ZFAND3: variants seen among roughly 807,000 people sequenced by gnomAD.
ZFAND3 encodes the protein AN1-type zinc finger protein 3.
In ZFAND3, 10 loss-of-function variants were observed where a neutral mutation model predicts 29.6. The ratio of observed to expected loss-of-function variants is 0.34; its 90% CI spans 0.21 to 0.57. ZFAND3 has a LOEUF of 0.57. ZFAND3 is among the 20% of genes least tolerant of loss of function. The pLI is 0.86. For missense variants in ZFAND3, 230 were observed against 304.5 expected, an observed-to-expected ratio of 0.76 and a Z score of 1.82; for synonymous variants, 128 against 112.6, an observed-to-expected ratio of 1.14 and a Z score of -0.87.
At chr6:38,026,754 G>C (rs1015873945) in intron 2 of ZFAND3, among the ~76,000 whole-genome samples, 1 of 150,998 alleles carries the variant, frequency 6.6e-6, no homozygotes, top group Non-Finnish European at 1.5e-5. Context: ...GATCTTATGT[G>C]GTAGATATTA....
At chr6:37,893,086 C>T (rs986919938) in intron 1 of ZFAND3, among the ~76,000 whole-genome samples, 1 of 152,080 alleles carries the variant, frequency 6.6e-6, no homozygotes, top group Non-Finnish European at 1.5e-5. Context: ...TAGGAGGAAG[C>T]ACTTCCCAAC....
chr6:37,995,298 G>A (rs985432347), intron 2 of ZFAND3, among the ~76,000 whole-genome samples: 10 of 152,236 alleles, frequency 6.6e-5, no homozygotes, highest in Admixed American at 6.5e-4. Context: ...ATTCATAATT[G>A]TAGGGGCAAG....
chr6:37,977,343 C>G (rs1762497842), intron 2 of ZFAND3, among the ~76,000 whole-genome samples: 1 of 152,100 alleles, frequency 6.6e-6, no homozygotes, highest in Admixed American at 6.5e-5. Flanking sequence ...GCTCTGTCGC[C>G]CAGGCTGGAG....
At chr6:37,886,591 G>A (rs919511726) in intron 1 of ZFAND3, among the ~76,000 whole-genome samples, 1 of 152,220 alleles carries the variant, frequency 6.6e-6, no homozygotes, top group African/African-American at 2.4e-5. Flanking sequence ...GGTCTCTTCA[G>A]CACTGTTGCT....
intron 5 of ZFAND3, among the ~76,000 whole-genome samples, chr6:38,142,684 G>A (rs190597502): frequency 1.2e-3 from 182 of 152,318 alleles, no homozygotes; most frequent in Admixed American, 2.0e-3. Flanking sequence ...CCTGAGAGCC[G>A]TGTAGAGGCT....
chr6:37,839,219 C>T (rs1484940597), intron 1 of ZFAND3, among the ~76,000 whole-genome samples: 8 of 149,330 alleles, frequency 5.4e-5, no homozygotes, highest in African/African-American at 9.9e-5. Context: ...CTTACTCTGT[C>T]GCCCAGGCTG....
intron 1 of ZFAND3, among the ~76,000 whole-genome samples, chr6:37,856,462 T>C (rs1205522505): frequency 2.6e-5 from 4 of 152,208 alleles, no homozygotes; most frequent in African/African-American, 9.7e-5. Flanking sequence ...TAGCTTTTCG[T>C]GACTGCTTCA....
chr6:38,027,679 G>A (rs773482951), intron 2 of ZFAND3, among the ~76,000 whole-genome samples: 6 of 152,104 alleles, frequency 3.9e-5, no homozygotes, highest in Non-Finnish European at 7.4e-5. Context: ...TGGCTGCCTC[G>A]GTAGGTATAA....
At position 37,952,749 on chromosome 6, in the gene ZFAND3, C is replaced by T. The variant is rs1225094743; in HGVS notation, c.112+22750C>T. On this transcript the variant is annotated intron_variant, in intron 2 of 5. Transcript: ENST00000287218. ...ATTTAACTCACCCCTTCCCCAGGAA[C>T]GACTGTGGGTCAGGAACAAGTCCTG... 3.9e-5 allele frequency among the ~76,000 whole-genome samples: 6 copies of T among 152,102 alleles called. No homozygotes were observed. In the East Asian group the frequency reaches 9.7e-4, roughly 25 times the overall value.
chr6:37,920,729 T>TA (rs1295488474), intron 1 of ZFAND3, among the ~76,000 whole-genome samples: 1 of 152,222 alleles, frequency 6.6e-6, no homozygotes, highest in Non-Finnish European at 1.5e-5. Context: ...AATATTTCCT[T>TA]AAAAAGAAAA....
At chr6:38,115,697 G>A (rs1038556666) in intron 4 of ZFAND3, among the ~76,000 whole-genome samples, 6 of 152,176 alleles carry the variant, frequency 3.9e-5, no homozygotes, top group African/African-American at 1.4e-4. Flanking sequence ...TACATCGTGG[G>A]TATGCAAGCA....
chr6:38,043,619 G>C (rs7740636), intron 2 of ZFAND3, among the ~76,000 whole-genome samples: 4 of 120,902 alleles, frequency 3.3e-5, no homozygotes, highest in African/African-American at 9.3e-5. Context: ...TCCCTCTCCC[G>C]CTCTTCCCCT....
chr6:37,824,574 T>C (rs998718456), intron 1 of ZFAND3, among the ~76,000 whole-genome samples: 37 of 152,244 alleles, frequency 2.4e-4, no homozygotes, highest in African/African-American at 8.7e-4. Flanking sequence ...TGATGACATA[T>C]GGAAACCTTG....
At chr6:37,837,941 A>T (rs1017001791) in intron 1 of ZFAND3, among the ~76,000 whole-genome samples, 1 of 152,192 alleles carries the variant, frequency 6.6e-6, no homozygotes, top group African/African-American at 2.4e-5. Flanking sequence ...CGGCAACTTG[A>T]TGTTACTTTA....
chr6:37,895,859 A>C (rs1043887123), intron 1 of ZFAND3, among the ~76,000 whole-genome samples: 18 of 152,190 alleles, frequency 1.2e-4, no homozygotes, highest in African/African-American at 4.3e-4. Flanking sequence ...TGGTGTACCA[A>C]ATCAACATTT....
At position 37,861,784 on chromosome 6, in the gene ZFAND3, T is replaced by G. The variant is rs377057427; in HGVS notation, c.71+41768T>G. ...TGTGTGGTTTTCACACTCCAAAATT[T>G]ACTTAGAAATACTTCTTTTTAAGCA... On this transcript the variant is annotated intron_variant, in intron 1 of 5. Transcript: ENST00000287218. Among the ~76,000 whole-genome samples, 24 of 152,386 alleles carry G rather than the reference T, an allele frequency of 1.6e-4. No homozygotes were observed. In the South Asian group the frequency reaches 5.0e-3, roughly 32 times the overall value.
chr6:37,924,132 T>G (rs902982282), intron 1 of ZFAND3, among the ~76,000 whole-genome samples: 8 of 152,184 alleles, frequency 5.3e-5, no homozygotes, highest in Non-Finnish European at 1.2e-4. Context: ...CCACCTGTTA[T>G]ATTCTGAGTG....
intron 5 of ZFAND3, among the ~76,000 whole-genome samples, chr6:38,135,660 G>A (rs1037007692): frequency 1.2e-4 from 18 of 152,090 alleles, no homozygotes; most frequent in African/African-American, 9.7e-5. Flanking sequence ...CAGGAGAATC[G>A]CTGGAATCTG....
chr6:37,941,380 C>T (rs1400580030), intron 2 of ZFAND3, among the ~76,000 whole-genome samples: 8 of 152,066 alleles, frequency 5.3e-5, no homozygotes, highest in Non-Finnish European at 4.4e-5. Context: ...TCTTTTAGTT[C>T]AGTTGTAGTT....
Sources: gnomAD v4.1 joint callset for allele counts (sites outside exome capture counted in the v4.1 genomes callset) on GRCh38, gnomAD v4.1.1 for gene constraint, MANE v1.5 for transcripts, NCBI Gene and HGNC (gene_info 2026-07-23, HGNC 2026-07-21) for gene names.